MYO3A: variants seen among roughly 807,000 people sequenced by gnomAD.
MYO3A encodes the protein myosin IIIA, also known as myosin-IIIa.
In MYO3A, 180 loss-of-function variants were observed where a neutral mutation model predicts 192.7. The ratio of observed to expected loss-of-function variants is 0.93; its 90% confidence interval spans 0.83 to 1.06. The LOEUF is 1.06. MYO3A is among the 50% of genes least tolerant of loss of function. The probability of loss-of-function intolerance (pLI) is 0.00; values close to 1 mark genes in which losing one functional copy is unlikely to be tolerated. For missense variants in MYO3A, 1,896 were observed against 1,905.0 expected, an observed-to-expected ratio of 1.00 and a Z score of 0.09; for synonymous variants, 628 against 645.3, an observed-to-expected ratio of 0.97 and a Z score of 0.41.
At chr10:25,980,996 A>C (rs1171559206) in intron 4 of MYO3A, among the ~76,000 whole-genome samples, 1 of 152,064 alleles carries the variant, frequency 6.6e-6, no homozygotes, top group African/African-American at 2.4e-5. Context: ...TGTTGTACCT[A>C]TTCATCCCTC....
intron 10 of MYO3A, among the ~76,000 whole-genome samples, chr10:26,053,397 C>T (rs1337586929): frequency 1.3e-5 from 2 of 150,304 alleles, no homozygotes; most frequent in African/African-American, 2.4e-5. Flanking sequence ...TCTAGGAGTA[C>T]AGGGTATGTC....
chr10:26,009,684 T>C (rs1430919777), intron 6 of MYO3A, among the ~76,000 whole-genome samples: 2 of 152,252 alleles, frequency 1.3e-5, no homozygotes, highest in African/African-American at 4.8e-5. Flanking sequence ...CTACCAAGTG[T>C]GCTTCTCTAT....
intron 28 of MYO3A, 27 bp downstream of exon 28, chr10:26,168,901 G>T: frequency 6.3e-7 from 1 of 1,590,614 alleles, no homozygotes; most frequent in Non-Finnish European, 8.6e-7. Flanking sequence ...ATTTAGATAT[G>T]GTCATAAAAT....
chr10:26,059,859 T>A (rs1413256956), intron 10 of MYO3A, among the ~76,000 whole-genome samples: 1 of 152,204 alleles, frequency 6.6e-6, no homozygotes, highest in African/African-American at 2.4e-5. Flanking sequence ...TAGATTTTTA[T>A]TAAAACAACA....
At chr10:25,936,277 C>G (rs935547311) in intron 2 of MYO3A, among the ~76,000 whole-genome samples, 1 of 151,550 alleles carries the variant, frequency 6.6e-6, no homozygotes, top group Non-Finnish European at 1.5e-5. Flanking sequence ...CTTTCTCTGT[C>G]AAATCCAAAA....
intron 4 of MYO3A, among the ~76,000 whole-genome samples, chr10:25,970,919 T>C (rs192050470): frequency 3.9e-4 from 59 of 152,108 alleles, no homozygotes; most frequent in African/African-American, 1.4e-3. Flanking sequence ...AGAAACTTAA[T>C]AATTAAAACC....
chr10:26,039,163 C>T (rs1413292237), intron 10 of MYO3A, among the ~76,000 whole-genome samples: 3 of 151,070 alleles, frequency 2.0e-5, no homozygotes, highest in Admixed American at 6.6e-5. Flanking sequence ...GCCTCAGCCT[C>T]CTGAACAGCT....
At chr10:26,165,387 C>A (rs548444055) in intron 26 of MYO3A, among the ~76,000 whole-genome samples, 162 of 152,230 alleles carry the variant, frequency 1.1e-3, no homozygotes, top group African/African-American at 3.7e-3. Flanking sequence ...TGTCTTTTTG[C>A]ACAAGATTAT....
chr10:26,055,474 G>A (rs1844258182), intron 10 of MYO3A, among the ~76,000 whole-genome samples: 1 of 152,042 alleles, frequency 6.6e-6, no homozygotes, highest in South Asian at 2.1e-4. Flanking sequence ...ACATCCAAGG[G>A]AGCAATTAGT....
intron 6 of MYO3A, among the ~76,000 whole-genome samples, chr10:26,013,772 A>G (rs1361792236): frequency 6.6e-6 from 1 of 152,092 alleles, no homozygotes; most frequent in Non-Finnish European, 1.5e-5. Context: ...CCACTGCTGG[A>G]TATCTACCCA....
chr10:25,997,803 C>T (rs141992410), intron 6 of MYO3A, among the ~76,000 whole-genome samples: 2 of 152,268 alleles, frequency 1.3e-5, no homozygotes, highest in East Asian at 1.9e-4. Flanking sequence ...AAAGGCAGAG[C>T]TGAGAGAGGG....
chr10:25,960,671 C>G (rs1344475600), intron 4 of MYO3A, among the ~76,000 whole-genome samples: 2 of 152,070 alleles, frequency 1.3e-5, no homozygotes, highest in Non-Finnish European at 2.9e-5. Flanking sequence ...TCATAAAGGT[C>G]TTTGTCCTCA....
At position 26,019,058 on chromosome 10, in the gene MYO3A, C is replaced by A. The variant is rs1842134263; in HGVS notation, c.585+2162C>A. Among the ~76,000 whole-genome samples, 5 of 151,968 alleles carry A rather than the reference C, an allele frequency of 3.3e-5. No individual in the cohort carries two copies. In the South Asian group the frequency reaches 1.0e-3, roughly 32 times the overall value. ...TGATTTTTAATGTATATTCACAGGG[C>A]TGTGCAATCATCATCACAATCATCA... On this transcript the variant is annotated intron_variant, in intron 7 of 34. Coordinates refer to ENST00000642920, the MANE Select transcript of MYO3A (RefSeq NM_017433.5).
chr10:26,141,165 G>A (rs1324297743), intron 20 of MYO3A, among the ~76,000 whole-genome samples: 3 of 152,114 alleles, frequency 2.0e-5, no homozygotes, highest in African/African-American at 7.2e-5. Flanking sequence ...CTGACCTCGT[G>A]ATCTGCCTGC....
intron 20 of MYO3A, among the ~76,000 whole-genome samples, chr10:26,142,026 TC>T (rs1299822003): frequency 6.6e-6 from 1 of 152,210 alleles, no homozygotes; most frequent in East Asian, 1.9e-4. Context: ...ACATTATACA[TC>T]ATAACTATCC....
At chr10:26,111,645 T>TA (rs1407772857) in intron 17 of MYO3A, among the ~76,000 whole-genome samples, 2 of 152,198 alleles carry the variant, frequency 1.3e-5, no homozygotes, top group Admixed American at 1.3e-4. Flanking sequence ...TCCTGGCTCT[T>TA]AAAGCAGAGC....
At chr10:25,977,856 T>C (rs887595845) in intron 4 of MYO3A, among the ~76,000 whole-genome samples, 9 of 152,154 alleles carry the variant, frequency 5.9e-5, no homozygotes, top group African/African-American at 9.7e-5. Context: ...CACTTCCAGA[T>C]AGAAATATCC....
Position 26,173,994 on chromosome 10 carries a change from T to C in MYO3A, c.3730T>C (p.Tyr1244His), listed in dbSNP as rs148993025. The C allele has an allele frequency of 4.2e-5, 67 of 1,609,572 alleles. No individual in the cohort carries two copies. The Middle Eastern group carries it at 6.6e-4, about 16-fold the overall frequency. Residue 1244 changes from tyrosine to histidine, a missense_variant, in exon 30 of 35, where the codon TAC becomes CAC. Physicochemically the swap from Tyr to His is moderately conservative, Grantham distance 83. Transcript: ENST00000642920. ...EAMIQSYYQR[Y>H]TEERNCEESK... The stretch of plus-strand genomic sequence containing the variant: ...TATGATCCAGAGTTACTATCAGAGG[T>C]ACACAGAGGAGAGGAATTGTGAAGA...
chr10:26,183,262 C>A (rs1032152670), intron 31 of MYO3A, among the ~76,000 whole-genome samples: 1 of 152,180 alleles, frequency 6.6e-6, no homozygotes, highest in Non-Finnish European at 1.5e-5. Flanking sequence ...TGGTGGCTCA[C>A]GCCTGTAATC....
Sources: allele counts gnomAD v4.1 joint callset (sites outside exome capture counted in the v4.1 genomes callset), GRCh38; gene constraint gnomAD v4.1.1; transcripts MANE v1.5; gene names NCBI Gene and HGNC (gene_info 2026-07-23, HGNC 2026-07-21).